TSPAN14: variants seen among roughly 807,000 people sequenced by gnomAD.
TSPAN14 encodes the protein tetraspanin 14, also known as tetraspanin-14.
Under a neutral mutation model 36.6 loss-of-function variants are expected in TSPAN14, and 16 were observed. The ratio of observed to expected loss-of-function variants is 0.44; its 90% CI spans 0.30 to 0.66. TSPAN14 has a LOEUF of 0.66. Ranked by LOEUF, TSPAN14 falls within the 30% of genes least tolerant of loss-of-function variation. TSPAN14 has a pLI of 0.12. For missense variants in TSPAN14, 231 were observed against 355.1 expected, an observed-to-expected ratio of 0.65 and a Z score of 2.81; for synonymous variants, 139 against 143.8, an observed-to-expected ratio of 0.97 and a Z score of 0.24.
intron 1 of TSPAN14, chr10:80,485,726 G>C (rs1481468844): frequency 1.0e-6 from 1 of 980,792 alleles, no homozygotes; most frequent in African/African-American, 1.7e-5. Flanking sequence ...CCTGTCCCGA[G>C]GTTAGGTGGG....
chr10:80,518,715 G>A (rs1162134903), exon 9 of TSPAN14: 1 of 152,808 alleles, frequency 6.5e-6, no homozygotes, highest in Non-Finnish European at 1.5e-5. Context: ...GGTGGGCATG[G>A]TTCTTCACTG....
At chr10:80,488,202 C>T (rs1461098720) in intron 1 of TSPAN14, among the ~76,000 whole-genome samples, 1 of 152,080 alleles carries the variant, frequency 6.6e-6, no homozygotes, top group Admixed American at 6.5e-5. Flanking sequence ...TACCTGTGCA[C>T]TTGAGGCACT....
chr10:80,513,980 A>T (rs1233128593), intron 6 of TSPAN14, 39 bp from the exon 7 acceptor site: 2 of 1,598,158 alleles, frequency 1.3e-6, no homozygotes, highest in South Asian at 2.2e-5. Flanking sequence ...CAGCTTCTTG[A>T]GACGCCAGAA....
chr10:80,468,785 T>C (rs1846379835), intron 1 of TSPAN14: 1 of 150,120 alleles, frequency 6.7e-6, no homozygotes, highest in African/African-American at 2.4e-5. Context: ...TAAGGCTCAC[T>C]ACACCCTTTA....
intron 1 of TSPAN14, among the ~76,000 whole-genome samples, chr10:80,483,413 C>T (rs142535918): frequency 4.6e-5 from 7 of 152,288 alleles, no homozygotes; most frequent in Non-Finnish European, 7.4e-5. Context: ...AATTGCAAAC[C>T]ATGAGGTTCA....
At chr10:80,459,899 G>A (rs1262361200) in intron 1 of TSPAN14, among the ~76,000 whole-genome samples, 1 of 152,168 alleles carries the variant, frequency 6.6e-6, no homozygotes, top group African/African-American at 2.4e-5. Context: ...CCTCTCCTGT[G>A]TCCCTGGGCC....
chr10:80,457,194 CT>C (rs1355587664), intron 1 of TSPAN14, among the ~76,000 whole-genome samples: 1 of 151,028 alleles, frequency 6.6e-6, no homozygotes, highest in Non-Finnish European at 1.5e-5. Context: ...TTTCTCATTT[CT>C]TTTTTTTTGA....
chr10:80,513,360 C>T (rs567189707), intron 6 of TSPAN14, among the ~76,000 whole-genome samples: 13 of 152,232 alleles, frequency 8.5e-5, no homozygotes, highest in African/African-American at 3.1e-4. Flanking sequence ...TTATGCAAAG[C>T]CTGGTCCTGG....
intron 1 of TSPAN14, among the ~76,000 whole-genome samples, chr10:80,488,358 C>T (rs1243491889): frequency 6.6e-6 from 1 of 152,216 alleles, no homozygotes; most frequent in Non-Finnish European, 1.5e-5. Flanking sequence ...AAATAGCACC[C>T]TCCTGCAGTA....
chr10:80,476,413 T>TG (rs1846897814), intron 1 of TSPAN14, among the ~76,000 whole-genome samples: 1 of 72,886 alleles, frequency 1.4e-5, no homozygotes, highest in African/African-American at 8.0e-5. Context: ...TTTACTGTTT[T>TG]TTTTTTTTTT....
chr10:80,458,811 G>A (rs539582359), intron 1 of TSPAN14, among the ~76,000 whole-genome samples: 3 of 152,242 alleles, frequency 2.0e-5, no homozygotes, highest in East Asian at 3.9e-4. Context: ...TTGGTGGAGC[G>A]CAGGCCCTGG....
At chr10:80,503,844 G>A (rs1282313948) in intron 2 of TSPAN14, among the ~76,000 whole-genome samples, 1 of 152,118 alleles carries the variant, frequency 6.6e-6, no homozygotes, top group Non-Finnish European at 1.5e-5. Flanking sequence ...GTGATAAATG[G>A]CAGTGAAATG....
intron 1 of TSPAN14, among the ~76,000 whole-genome samples, chr10:80,455,670 G>C (rs1164292764): frequency 6.6e-6 from 1 of 152,108 alleles, no homozygotes; most frequent in Non-Finnish European, 1.5e-5. Context: ...TAGCCGAGTG[G>C]TTGGTGGGGG....
At chr10:80,482,547 C>G (rs141854381) in intron 1 of TSPAN14, among the ~76,000 whole-genome samples, 2,028 of 151,054 alleles carry the variant, frequency 0.013, 93 homozygotes, top group East Asian at 0.079. Flanking sequence ...CTCAGCCTCC[C>G]AGAGTGCTGT....
chr10:80,485,415 C>T (rs1847531581), intron 1 of TSPAN14, among the ~76,000 whole-genome samples: 4 of 152,084 alleles, frequency 2.6e-5, no homozygotes, highest in Admixed American at 1.3e-4. Context: ...GTGTAAATGC[C>T]CTAGTAGCTC....
chr10:80,515,600 A>C (rs1840894825), intron 7 of TSPAN14: 1 of 150,002 alleles, frequency 6.7e-6, no homozygotes, highest in South Asian at 2.2e-4. Flanking sequence ...ATACTCCATC[A>C]TGTTGCCATG....
At chr10:80,508,146 C>G (rs71483308) in intron 4 of TSPAN14, among the ~76,000 whole-genome samples, 1 of 147,200 alleles carries the variant, frequency 6.8e-6, no homozygotes, top group Non-Finnish European at 1.5e-5. Flanking sequence ...TACCGAGTCT[C>G]GCTCTGTTGC....
rs1170227791 is a variant in TSPAN14, at chr10:80,498,336, G to T, written c.82-6392G>T. On this transcript the variant is annotated intron_variant, in intron 2 of 8. Coordinates refer to ENST00000429989, the Ensembl canonical transcript of TSPAN14. ...ATGGGTCCTTGCTGCTTATTTTGCT[G>T]ATTGACAGACTGAGGCCCAGGAGAG... Among the ~76,000 whole-genome samples the T allele has an allele frequency of 4.6e-5, 7 of 152,280 alleles. No individual in the cohort carries two copies. In the East Asian group the frequency reaches 1.4e-3, roughly 29 times the overall value.
chr10:80,512,404 C>G, intron 6 of TSPAN14, 135 bp downstream of exon 6: 1 of 1,294,438 alleles, frequency 7.7e-7, no homozygotes, highest in Non-Finnish European at 1.0e-6. Flanking sequence ...CCACACCCTC[C>G]TCAAGGCTGC....
Sources: gnomAD v4.1 joint callset for allele counts (sites outside exome capture counted in the v4.1 genomes callset) on GRCh38, gnomAD v4.1.1 for gene constraint, MANE v1.5 for transcripts, NCBI Gene and HGNC (gene_info 2026-07-23, HGNC 2026-07-21) for gene names.